RAPH1: variants seen among roughly 807,000 people sequenced by gnomAD.
RAPH1 encodes the protein ras-associated and pleckstrin homology domains-containing protein 1.
In RAPH1, 18 loss-of-function variants were observed where a neutral mutation model predicts 88.1. That is an observed-to-expected ratio of 0.20 (90% confidence interval 0.14 to 0.30). The LOEUF is 0.30. Ranked by LOEUF, RAPH1 falls within the 10% of genes least tolerant of loss-of-function variation. RAPH1 has a pLI of 1.00. For synonymous variants in RAPH1, 587 were observed against 559.0 expected (o/e 1.05, Z -0.71); for missense variants, 1,448 against 1,543.2 (o/e 0.94, Z 1.03).
intron 1 of RAPH1, among the ~76,000 whole-genome samples, chr2:203,529,692 T>C (rs142549006): frequency 4.7e-4 from 72 of 152,324 alleles, no homozygotes; most frequent in African/African-American, 1.6e-3. Context: ...CAAAATTGAC[T>C]TAAGATTCTA....
chr2:203,489,060 A>G (rs1023023821), intron 4 of RAPH1, among the ~76,000 whole-genome samples: 3 of 151,714 alleles, frequency 2.0e-5, no homozygotes, highest in Non-Finnish European at 2.9e-5. Flanking sequence ...TGGGAGGTGG[A>G]GGTTGCAGCG....
chr2:203,518,693 T>C (rs1183052155), intron 1 of RAPH1, among the ~76,000 whole-genome samples: 1 of 151,830 alleles, frequency 6.6e-6, no homozygotes. Flanking sequence ...CAAAAAAATT[T>C]AAAAATTAGC....
At position 203,448,596 on chromosome 2, in the gene RAPH1, A is replaced by T; in HGVS notation, c.1512+142T>A. 1 of 512,716 alleles carries T rather than the reference A, an allele frequency of 2.0e-6. No individual in the cohort carries two copies. The highest frequency in any genetic ancestry group is 3.4e-6 in the Non-Finnish European group (1 of 293,352). The allele number at this position is 512,716 out of a possible 1,614,324, so 31.8% of individuals were successfully genotyped here. On this transcript the variant is annotated intron_variant, in intron 11 of 13. Transcript: ENST00000319170. The surrounding 1 kb of genome is among the most constrained non-coding windows in gnomAD (Gnocchi z 4.1). The stretch of plus-strand genomic sequence containing the variant: ...TAAACAAGGAAAAAAGACAACATTT[A>T]AAACTTGAAACTTAGGCCTGAAAAA...
chr2:203,495,418 A>G, intron 1 of RAPH1, 65 bp from the exon 2 acceptor site: 2 of 1,532,790 alleles, frequency 1.3e-6, no homozygotes, highest in Non-Finnish European at 1.8e-6. Flanking sequence ...AAATTATGCC[A>G]TATATGCTCT....
chr2:203,501,603 T>TAA (rs1228776199), intron 1 of RAPH1, among the ~76,000 whole-genome samples: 1 of 151,950 alleles, frequency 6.6e-6, no homozygotes, highest in Non-Finnish European at 1.5e-5. Flanking sequence ...CCTCATCTCT[T>TAA]AAAAAAATAA....
At chr2:203,460,254 A>AGAAT (rs1466648652) in intron 6 of RAPH1, among the ~76,000 whole-genome samples, 2 of 152,244 alleles carry the variant, frequency 1.3e-5, no homozygotes, top group African/African-American at 4.8e-5. Flanking sequence ...AACTAGGACT[A>AGAAT]GAATCTAGGC....
intron 4 of RAPH1, among the ~76,000 whole-genome samples, chr2:203,472,207 A>G (rs553275971): frequency 6.6e-6 from 1 of 150,776 alleles, no homozygotes; most frequent in African/African-American, 2.4e-5. Context: ...ATCTCAGCTC[A>G]CTGCAACCTC....
intron 7 of RAPH1, among the ~76,000 whole-genome samples, chr2:203,458,511 G>A (rs892779203): frequency 2.0e-5 from 3 of 152,072 alleles, no homozygotes; most frequent in South Asian, 4.2e-4. Context: ...ATAAAAATGG[G>A]GTCACATTTG....
intron 4 of RAPH1, among the ~76,000 whole-genome samples, chr2:203,484,276 C>T (rs909598988): frequency 2.6e-5 from 4 of 152,180 alleles, no homozygotes; most frequent in Non-Finnish European, 5.9e-5. Flanking sequence ...CTTCATACAA[C>T]GTACTATAAC....
intron 1 of RAPH1, among the ~76,000 whole-genome samples, chr2:203,506,866 A>ATATCTC (rs1232083419): frequency 1.1e-5 from 1 of 90,680 alleles, no homozygotes; most frequent in Non-Finnish European, 1.9e-5. Flanking sequence ...CTATATATAT[A>ATATCTC]TATATATATA....
chr2:203,521,838 TATG>T (rs1466031855), intron 1 of RAPH1, among the ~76,000 whole-genome samples: 1 of 152,108 alleles, frequency 6.6e-6, no homozygotes, highest in African/African-American at 2.4e-5. Context: ...TACACACACA[TATG>T]AGGAGAATAT....
chr2:203,504,346 G>A (rs988517790), intron 1 of RAPH1, among the ~76,000 whole-genome samples: 4 of 152,182 alleles, frequency 2.6e-5, no homozygotes, highest in Non-Finnish European at 5.9e-5. Flanking sequence ...CTGTGCACCC[G>A]CAGGCTCAAC....
chr2:203,489,845 A>G lies in RAPH1; in HGVS notation c.471T>C (p.Thr157=). 6.2e-7 allele frequency: 1 copy of G among 1,614,258 alleles called. No individual in the cohort carries two copies. The highest frequency in any genetic ancestry group is 8.5e-7 in the Non-Finnish European group (1 of 1,180,046). The change falls in exon 4 of 14, where the codon ACT becomes ACC. Residue 157 remains threonine (T), a synonymous_variant. Transcript: ENST00000319170. Reference sequence around the variant, plus strand: ...TCAAAGAGGCCTGTTCTAACTGTGCAGTGACGTCGTCCAAGGAGTAGCTGG... The same window carrying G: ...TCAAAGAGGCCTGTTCTAACTGTGCGGTGACGTCGTCCAAGGAGTAGCTGG... ...SHASYSLDDV[T]AQLEQASLSM...
intron 4 of RAPH1, among the ~76,000 whole-genome samples, chr2:203,474,934 A>T (rs2098536077): frequency 6.6e-6 from 1 of 151,922 alleles, no homozygotes; most frequent in Non-Finnish European, 1.5e-5. Context: ...AACATGGCAA[A>T]ACGCCATCTC....
At chr2:203,447,115 G>A (rs2098510501) in intron 12 of RAPH1, 1 of 149,210 alleles carries the variant, frequency 6.7e-6, no homozygotes. Context: ...GGCTCATCTT[G>A]TATATATTCT....
rs770900288 is a variant in RAPH1, at chr2:203,441,270, GGGTGGTGGAGGA to G, written c.1908_1919del (p.Pro645_Pro648del). On this transcript the variant is annotated inframe_deletion, in exon 14 of 14. Transcript: ENST00000319170. ...GTGGGGGAGGAGGGGGTGGTGGAGG[GGGTGGTGGAGGA>G]GGAGGTGGGGGTGGCGGAGGAGGTA... 3 of 1,348,360 alleles carry G rather than the reference GGGTGGTGGAGGA, an allele frequency of 2.2e-6. No individual in the cohort carries two copies. The highest frequency in any genetic ancestry group is 2.5e-5 in the Admixed American group (1 of 40,314). 83.5% of individuals were successfully genotyped at this position (1,348,360 alleles called of 1,614,324 possible).
At chr2:203,464,320 G>A (rs2098526705) in intron 4 of RAPH1, among the ~76,000 whole-genome samples, 2 of 152,208 alleles carry the variant, frequency 1.3e-5, no homozygotes, top group Admixed American at 1.3e-4. Flanking sequence ...TGCCCAGGCT[G>A]GAGTGCAGTG....
chr2:203,441,265 G>A lies in RAPH1; in HGVS notation c.1925C>T (p.Pro642Leu). Residue 642 changes from proline (P) to leucine (L), a missense_variant, in exon 14 of 14, where the codon CCA becomes CTA. By Grantham distance (98) the Pro-to-Leu change is moderately conservative. Coordinates refer to ENST00000319170, the MANE Select transcript of RAPH1 (RefSeq NM_213589.3). ...PPPPPPPPPP[P>L]PPPPPPLPSQ... is the part of the protein sequence containing the mutation. Reference sequence around the variant, plus strand: ...GGGGAGTGGGGGAGGAGGGGGTGGTGGAGGGGGTGGTGGAGGAGGAGGTGG... The same window carrying A: ...GGGGAGTGGGGGAGGAGGGGGTGGTAGAGGGGGTGGTGGAGGAGGAGGTGG... 7.4e-7 allele frequency: 1 copy of A among 1,348,592 alleles called. No homozygotes were observed. Among genetic ancestry groups the A allele is most frequent in the Non-Finnish European group, 1.0e-6 (1 of 1,001,120 alleles). The allele number at this position is 1,348,592 out of a possible 1,614,324, so 83.5% of individuals were successfully genotyped here.
Position 203,448,196 on chromosome 2 carries a change from T to C in RAPH1, c.1513-117A>G. 3 of 870,274 alleles carry C rather than the reference T, an allele frequency of 3.4e-6. 1 individual carries two copies. The South Asian group carries it at 7.7e-5, about 22-fold the overall frequency. The allele number at this position is 870,274 out of a possible 1,614,324, so 53.9% of individuals were successfully genotyped here. A position where few individuals can be genotyped will look rare whatever the true frequency, so the allele number is the denominator to read the frequency against. ...GATTGATGGTCTGTATTAAAATTAA[T>C]ACCTATGATAGTTCAAAAATTCCTC... On this transcript the variant is annotated intron_variant, in intron 11 of 13. Transcript: ENST00000319170. The surrounding 1 kb of genome is among the most constrained non-coding windows in gnomAD (Gnocchi z 4.1).
Sources: gnomAD v4.1 joint callset for allele counts (sites outside exome capture counted in the v4.1 genomes callset) on GRCh38, gnomAD v4.1.1 for gene constraint, Gnocchi (gnomAD v3.1) non-coding constraint, MANE v1.5 for transcripts, NCBI Gene and HGNC (gene_info 2026-07-23, HGNC 2026-07-21) for gene names.